The following KLB variants were observed in gnomAD, a reference collection of about 807,000 sequenced individuals.
KLB encodes the protein beta-klotho.
Under a neutral mutation model 88.4 loss-of-function variants are expected in KLB, and 44 were observed. That is an observed-to-expected ratio of 0.50 (90% CI 0.39 to 0.64). The LOEUF (loss-of-function observed/expected upper bound fraction) is 0.64. Among genes scored for constraint, KLB ranks in the 30% least tolerant of loss-of-function variants. The pLI is 0.00. For synonymous variants in KLB, 548 were observed against 513.4 expected, an observed-to-expected ratio of 1.07 and a Z score of -0.91; for missense variants, 1,137 against 1,304.8, an observed-to-expected ratio of 0.87 and a Z score of 1.98.
chr4:39,421,655 T>G (rs939926755), intron 1 of KLB, among the ~76,000 whole-genome samples: 1 of 152,028 alleles, frequency 6.6e-6, no homozygotes, highest in African/African-American at 2.4e-5. Context: ...CTCGAGAGAC[T>G]GACGCAGGAG....
At chr4:39,421,648 G>A (rs1384276141) in intron 1 of KLB, among the ~76,000 whole-genome samples, 1 of 152,064 alleles carries the variant, frequency 6.6e-6, no homozygotes, top group Non-Finnish European at 1.5e-5. Context: ...CCAGCTACTC[G>A]AGAGACTGAC....
intron 1 of KLB, among the ~76,000 whole-genome samples, chr4:39,427,907 A>G (rs1488608861): frequency 2.0e-5 from 3 of 152,198 alleles, no homozygotes; most frequent in African/African-American, 7.2e-5. Flanking sequence ...CAAGATCGTA[A>G]AGCTGATGAG....
At chr4:39,436,713 G>GTT (rs200027049) in intron 2 of KLB, among the ~76,000 whole-genome samples, 8 of 150,388 alleles carry the variant, frequency 5.3e-5, no homozygotes, top group Non-Finnish European at 8.9e-5. Context: ...TCTCTTTTTT[G>GTT]TTTTTTTTTC....
At chr4:39,420,199 G>T (rs12152703) in intron 1 of KLB, among the ~76,000 whole-genome samples, 42,155 of 151,802 alleles carry the variant, frequency 0.28, 6,696 homozygotes, top group African/African-American at 0.44. Flanking sequence ...GTATTTGGGG[G>T]AGTTCATTGC....
At chr4:39,445,811 C>T (rs112414724) in intron 3 of KLB, among the ~76,000 whole-genome samples, 4,228 of 151,852 alleles carry the variant, frequency 0.028, 106 homozygotes, top group Middle Eastern at 0.11. Flanking sequence ...CATGAGCCAC[C>T]GCGCCCGGCC....
intron 1 of KLB, among the ~76,000 whole-genome samples, chr4:39,412,210 T>A (rs976658499): frequency 6.6e-6 from 1 of 152,020 alleles, no homozygotes; most frequent in Non-Finnish European, 1.5e-5. Context: ...CCAAAACTAT[T>A]GAAATTTTAA....
rs908359839 is a variant in KLB, at chr4:39,450,953, T to G, written c.*2267T>G. 6.6e-6 allele frequency: 1 copy of G among 152,148 alleles called. No homozygotes were observed. The highest frequency in any genetic ancestry group is 2.4e-5 in the African/African-American group (1 of 41,450). The allele number at this position is 152,148 out of a possible 1,614,324, so 9.4% of individuals were successfully genotyped here. A position where few individuals can be genotyped will look rare whatever the true frequency, so the allele number is the denominator to read the frequency against. On this transcript the variant is annotated 3_prime_UTR_variant, in exon 5 of 5. Coordinates refer to ENST00000257408, the MANE Select transcript of KLB (RefSeq NM_175737.4). The stretch of plus-strand genomic sequence containing the variant: ...TCTCTTTCTCACTTTGTTTAAAGTA[T>G]CTCGTACTCACAGTTCACAAATTAA...
intron 1 of KLB, among the ~76,000 whole-genome samples, chr4:39,420,734 T>C (rs1316724051): frequency 6.6e-6 from 1 of 152,142 alleles, no homozygotes; most frequent in East Asian, 1.9e-4. Flanking sequence ...CAGGCTGGTC[T>C]TGAACTCCTG....
At chr4:39,409,548 C>T (rs1229575152) in intron 1 of KLB, among the ~76,000 whole-genome samples, 1 of 151,600 alleles carries the variant, frequency 6.6e-6, no homozygotes, top group Non-Finnish European at 1.5e-5. Flanking sequence ...CTCAGCCTCC[C>T]AAAGTGCTGG....
intron 1 of KLB, among the ~76,000 whole-genome samples, chr4:39,410,995 G>A (rs2109817745): frequency 6.6e-6 from 1 of 151,838 alleles, no homozygotes; most frequent in Admixed American, 6.7e-5. Flanking sequence ...TAAGACTCAG[G>A]TAAAAATTTT....
intron 1 of KLB, among the ~76,000 whole-genome samples, chr4:39,409,213 A>G (rs763250684): frequency 2.6e-4 from 40 of 152,068 alleles, no homozygotes; most frequent in Non-Finnish European, 5.6e-4. Context: ...AAGGGTAGAA[A>G]TTGTATAGGT....
chr4:39,418,132 A>T (rs1743002724), intron 1 of KLB, among the ~76,000 whole-genome samples: 1 of 152,220 alleles, frequency 6.6e-6, no homozygotes, highest in Non-Finnish European at 1.5e-5. Context: ...CCCCTGACTC[A>T]TATATTAAAA....
chr4:39,415,231 T>A, intron 1 of KLB, among the ~76,000 whole-genome samples: 1 of 152,158 alleles, frequency 6.6e-6, no homozygotes, highest in East Asian at 1.9e-4. Context: ...GTTTTTTATG[T>A]GTCACTTTAT....
At chr4:39,442,114 T>G (rs956169342) in intron 3 of KLB, among the ~76,000 whole-genome samples, 10 of 151,938 alleles carry the variant, frequency 6.6e-5, no homozygotes, top group Non-Finnish European at 1.3e-4. Flanking sequence ...GGCCTGTAAT[T>G]CCATCTATAA....
chr4:39,409,067 T>C (rs1742786063), intron 1 of KLB, among the ~76,000 whole-genome samples: 1 of 151,890 alleles, frequency 6.6e-6, no homozygotes, highest in Non-Finnish European at 1.5e-5. Flanking sequence ...CATTGTACTA[T>C]GGTTTCAGAT....
chr4:39,427,027 T>C lies in KLB; in HGVS notation c.826-7183T>C, dbSNP rs2109830106. ...TGCAGCATGGATGAATGAATGAATG[T>C]TAAACAATCTGGAAGAGCAGCATTT... On this transcript the variant is annotated intron_variant, in intron 1 of 4. Coordinates refer to ENST00000257408, the MANE Select transcript of KLB (RefSeq NM_175737.4). Among the ~76,000 whole-genome samples the C allele has an allele frequency of 3.3e-5, 5 of 152,218 alleles. 1 individual carries two copies. The highest frequency in any genetic ancestry group is 3.3e-4 in the Admixed American group (5 of 15,282).
intron 1 of KLB, among the ~76,000 whole-genome samples, chr4:39,408,869 A>G (rs556097259): frequency 6.7e-6 from 1 of 149,684 alleles, no homozygotes; most frequent in African/African-American, 2.4e-5. Context: ...AAATGAAAAA[A>G]CTTTATCAAT....
rs779294870 is a variant in KLB, at chr4:39,447,213, G to A, written c.2487G>A (p.Arg829=). 3 of 1,614,050 alleles carry A rather than the reference G, an allele frequency of 1.9e-6. No individual in the cohort carries two copies. Among genetic ancestry groups the A allele is most frequent in the South Asian group, 2.2e-5 (2 of 91,084 alleles). ...GCGCGCTCAACCACTTCACCACTAG[G>A]TTCGTGATGCACGAGCAGCTGGCCG... ...DFCALNHFTT[R]FVMHEQLAGS... Residue 829 remains arginine (R), a synonymous_variant, in exon 4 of 5, where the codon AGG becomes AGA. Transcript: ENST00000257408.
intron 3 of KLB, among the ~76,000 whole-genome samples, chr4:39,442,607 G>C (rs1743636005): frequency 6.6e-6 from 1 of 151,946 alleles, no homozygotes. Flanking sequence ...CTAATTTTTT[G>C]TATTTTTAGT....
Sources: allele counts gnomAD v4.1 joint callset (sites outside exome capture counted in the v4.1 genomes callset), GRCh38; gene constraint gnomAD v4.1.1; transcripts MANE v1.5; gene names NCBI Gene and HGNC (gene_info 2026-07-23, HGNC 2026-07-21).